CA12: variants seen among roughly 807,000 people sequenced by gnomAD.
The protein encoded by CA12 is carbonate dehydratase XII.
Under a neutral mutation model 46.8 loss-of-function variants are expected in CA12, and 36 were observed. The ratio of observed to expected loss-of-function variants is 0.77; its 90% CI spans 0.59 to 1.02. The LOEUF (loss-of-function observed/expected upper bound fraction) is 1.02, where lower values mean the gene tolerates loss of function less well. Ranked by LOEUF, CA12 falls within the 50% of genes least tolerant of loss-of-function variation. CA12 has a pLI of 0.00. For missense variants in CA12, 436 were observed against 451.4 expected (o/e 0.97, Z 0.31); for synonymous variants, 202 against 187.0 (o/e 1.08, Z -0.65).
chr15:63,359,187 C>T (rs2152622511), intron 2 of CA12, among the ~76,000 whole-genome samples: 1 of 152,280 alleles, frequency 6.6e-6, no homozygotes, highest in Non-Finnish European at 1.5e-5. Context: ...CTGCTGGCTA[C>T]CCCCTTTGGA....
chr15:63,377,747 C>T (rs2039595439), intron 1 of CA12, among the ~76,000 whole-genome samples: 2 of 152,186 alleles, frequency 1.3e-5, no homozygotes, highest in Admixed American at 1.3e-4. Context: ...GCTATTATCT[C>T]CATATCTCTA....
chr15:63,333,408 G>C (rs996439227), intron 8 of CA12, among the ~76,000 whole-genome samples: 2 of 152,206 alleles, frequency 1.3e-5, no homozygotes, highest in South Asian at 4.1e-4. Context: ...GCATAACTCG[G>C]ACTGTGCTCG....
rs769313979 is a variant in CA12 at position 63,340,377 on chromosome 15, G to T, written c.658C>A (p.Arg220Ser). ...LLPERTAEYY[R>S]YRGSLTTPPC... ...GGTGTGGTCAGGGACCCCCGGTAGCGGTAATATTCAGCGGTCCTCTCCGGA... is the reference window on the plus strand; with the variant it reads ...GGTGTGGTCAGGGACCCCCGGTAGCTGTAATATTCAGCGGTCCTCTCCGGA... Residue 220 changes from arginine to serine, a missense_variant, in exon 7 of 11, where the codon CGC (arginine) becomes AGC (serine). Coordinates refer to ENST00000178638, the MANE Select transcript of CA12 (RefSeq NM_001218.5). This position sits in a 1 kb window ranked among gnomAD's most constrained non-coding sequence, Gnocchi z 4.4. 6.2e-7 allele frequency: 1 copy of T among 1,614,124 alleles called. No homozygotes were observed. Among genetic ancestry groups the T allele is most frequent in the East Asian group, 2.2e-5 (1 of 44,886 alleles).
rs575085753 is a variant in CA12, at chr15:63,323,490, A to G, written c.*2795T>C. The G allele has an allele frequency of 1.3e-5, 2 of 152,604 alleles. No individual in the cohort carries two copies. The highest frequency in any genetic ancestry group is 3.9e-4 in the East Asian group (2 of 5,192). The allele number at this position is 152,604 out of a possible 1,614,324, so 9.5% of individuals were successfully genotyped here. ...AGCTACAGAGTGCTTTGCAAATAGT[A>G]ATGCTTTAACCTCGCCTCCAAAAAA... On this transcript the variant is annotated 3_prime_UTR_variant, in exon 11 of 11. Transcript: ENST00000178638. The surrounding 1 kb of genome is among the most constrained non-coding windows in gnomAD (Gnocchi z 5.1).
At position 63,327,346 on chromosome 15, in the gene CA12, T is replaced by A; in HGVS notation, c.908-113A>T. The A allele has an allele frequency of 1.2e-6, 1 of 827,354 alleles. No homozygotes were observed. The highest frequency in any genetic ancestry group is 2.0e-6 in the Non-Finnish European group (1 of 491,004). The allele number at this position is 827,354 out of a possible 1,614,324, so 51.3% of individuals were successfully genotyped here. ...CTGCATAATCATCCACAGAAAGGAATAATTTCCCCATCCCTGTTCTCAGAT... is the reference window on the plus strand; with the variant it reads ...CTGCATAATCATCCACAGAAAGGAAAAATTTCCCCATCCCTGTTCTCAGAT... On this transcript the variant is annotated intron_variant, in intron 9 of 10. Transcript: ENST00000178638. This position sits in a 1 kb window ranked among gnomAD's most constrained non-coding sequence, Gnocchi z 4.5.
intron 8 of CA12, among the ~76,000 whole-genome samples, chr15:63,334,242 C>CTTTTTTTTTTTTTT (rs71131163): frequency 1.5e-5 from 1 of 64,958 alleles, no homozygotes; most frequent in African/African-American, 7.2e-5. Context: ...GGAAGAGGCA[C>CTTTTTTTTTTTTTT]TTTTTTTTTT....
chr15:63,380,437 T>A (rs2039630612), intron 1 of CA12, among the ~76,000 whole-genome samples: 1 of 152,208 alleles, frequency 6.6e-6, no homozygotes, highest in Non-Finnish European at 1.5e-5. Context: ...CTCCCTTTGG[T>A]CTTGGAGCAA....
intron 2 of CA12, among the ~76,000 whole-genome samples, chr15:63,371,291 A>G (rs1200121748): frequency 6.6e-6 from 1 of 152,212 alleles, no homozygotes; most frequent in Non-Finnish European, 1.5e-5. Context: ...CCTGATTTCC[A>G]AAGGAAATTC....
intron 1 of CA12, among the ~76,000 whole-genome samples, chr15:63,381,032 TG>T (rs1265057273): frequency 1.3e-5 from 2 of 150,590 alleles, no homozygotes; most frequent in Non-Finnish European, 3.0e-5. Flanking sequence ...TGTGTGTGTG[TG>T]TGTGTGGTTT....
intron 2 of CA12, among the ~76,000 whole-genome samples, chr15:63,364,604 C>T (rs990177984): frequency 3.3e-5 from 5 of 152,196 alleles, no homozygotes; most frequent in Non-Finnish European, 7.3e-5. Flanking sequence ...TCTTTGCAGC[C>T]TGGGCTCTTG....
chr15:63,327,155 C>T lies in CA12; in HGVS notation c.986G>A (p.Arg329Lys). 6.2e-7 allele frequency: 1 copy of T among 1,614,014 alleles called. No homozygotes were observed. The highest frequency in any genetic ancestry group is 1.1e-5 in the South Asian group (1 of 91,074). The stretch of plus-strand genomic sequence containing the variant: ...TGGACCCAAACCAGCTCACCTCTTC[C>T]TTCTGAAAAGCCAAATGGACACCAC... Reference protein sequence around the residue: ...VVVVSIWLFRRKSIKKGDNKG... With the variant: ...VVVVSIWLFRKKSIKKGDNKG... Residue 329 changes from arginine to lysine, a missense_variant, in exon 10 of 11, where the codon AGG becomes AAG. Arg to Lys is a conservative substitution (Grantham distance 26). Transcript: ENST00000178638. The surrounding 1 kb of genome is among the most constrained non-coding windows in gnomAD (Gnocchi z 4.5).
chr15:63,353,841 C>A (rs1458717889), intron 2 of CA12, among the ~76,000 whole-genome samples: 1 of 152,180 alleles, frequency 6.6e-6, no homozygotes, highest in African/African-American at 2.4e-5. Flanking sequence ...GCCACTGCAC[C>A]CAGCCTAGAA....
At chr15:63,370,793 GAAA>G (rs2039494367) in intron 2 of CA12, among the ~76,000 whole-genome samples, 1 of 151,832 alleles carries the variant, frequency 6.6e-6, no homozygotes, top group Non-Finnish European at 1.5e-5. Context: ...AGAAAAAAAA[GAAA>G]AAAGAAAAAC....
At chr15:63,359,713 G>C (rs933487599) in intron 2 of CA12, among the ~76,000 whole-genome samples, 1 of 152,092 alleles carries the variant, frequency 6.6e-6, no homozygotes, top group Non-Finnish European at 1.5e-5. Context: ...ATGCTATCTG[G>C]ATTGAATCCT....
intron 2 of CA12, among the ~76,000 whole-genome samples, chr15:63,356,285 C>A (rs772048405): frequency 2.0e-5 from 3 of 152,146 alleles, no homozygotes; most frequent in Admixed American, 6.5e-5. Context: ...CCCAGCTACT[C>A]GGGAGGCTGA....
intron 2 of CA12, among the ~76,000 whole-genome samples, chr15:63,359,995 C>T (rs771820609): frequency 2.0e-5 from 3 of 152,242 alleles, no homozygotes; most frequent in Non-Finnish European, 4.4e-5. Flanking sequence ...CAATCCCACT[C>T]ACTTCTCCAG....
rs868449978 is a variant in CA12 at position 63,323,889 on chromosome 15, G to A, written c.*2396C>T. The A allele has an allele frequency of 6.6e-6, 1 of 152,236 alleles. No individual in the cohort carries two copies. The highest frequency in any genetic ancestry group is 6.5e-5 in the Admixed American group (1 of 15,282). 9.4% of individuals were successfully genotyped at this position (152,236 alleles called of 1,614,324 possible). On this transcript the variant is annotated 3_prime_UTR_variant, in exon 11 of 11. Transcript: ENST00000178638. The surrounding 1 kb of genome is among the most constrained non-coding windows in gnomAD (Gnocchi z 5.1). ...GAGATTCAAGATCTCACATGAGTGA[G>A]AATCCAGGGCCTTCCCCTCTGGCCC...
chr15:63,357,501 G>A (rs1428717834), intron 2 of CA12, among the ~76,000 whole-genome samples: 1 of 152,080 alleles, frequency 6.6e-6, no homozygotes, highest in Admixed American at 6.5e-5. Context: ...TGAGGTGGGA[G>A]GTGCTTTAAA....
chr15:63,358,852 G>A (rs1042239639), intron 2 of CA12, among the ~76,000 whole-genome samples: 3 of 152,050 alleles, frequency 2.0e-5, no homozygotes, highest in South Asian at 2.1e-4. Context: ...GCTCTTCCAC[G>A]CCCATGTCCC....
Sources: gnomAD v4.1 joint callset for allele counts (sites outside exome capture counted in the v4.1 genomes callset) on GRCh38, gnomAD v4.1.1 for gene constraint, Gnocchi (gnomAD v3.1) non-coding constraint, MANE v1.5 for transcripts, NCBI Gene and HGNC (gene_info 2026-07-23, HGNC 2026-07-21) for gene names.